The following CADM2 variants were observed in gnomAD, a reference collection of about 807,000 sequenced individuals.
CADM2 encodes cell adhesion molecule 2, also known as immunoglobulin superfamily member 4D.
In CADM2, 12 loss-of-function variants were observed where a neutral mutation model predicts 49.8. The observed-to-expected ratio is 0.24, with a 90% confidence interval of 0.15 to 0.39. The LOEUF is 0.39. Ranked by LOEUF, CADM2 falls within the 10% of genes least tolerant of loss-of-function variation. CADM2 has a pLI of 1.00. For missense variants in CADM2, 378 were observed against 492.3 expected (o/e 0.77, Z 2.20); for synonymous variants, 214 against 175.4 (o/e 1.22, Z -1.74).
chr3:85,556,230 G>A (rs2061956776), intron 1 of CADM2, among the ~76,000 whole-genome samples: 1 of 152,054 alleles, frequency 6.6e-6, no homozygotes, highest in Admixed American at 6.6e-5. Flanking sequence ...AAAGTCAGAA[G>A]AAAGAGGAAA....
At chr3:85,473,944 T>C (rs146052852) in intron 1 of CADM2, among the ~76,000 whole-genome samples, 4,180 of 152,110 alleles carry the variant, frequency 0.027, 90 homozygotes, top group Non-Finnish European at 0.041. Flanking sequence ...TTTAGCTAGT[T>C]TCCTTATTTA....
intron 1 of CADM2, among the ~76,000 whole-genome samples, chr3:85,647,096 A>G (rs375940333): frequency 1.3e-5 from 2 of 151,990 alleles, no homozygotes; most frequent in South Asian, 2.1e-4. Context: ...TGTGAGAGGA[A>G]TTTAATTAGA....
chr3:84,961,644 G>C (rs1040351462), intron 1 of CADM2, among the ~76,000 whole-genome samples: 13 of 152,114 alleles, frequency 8.5e-5, no homozygotes, highest in African/African-American at 2.9e-4. Context: ...GTGTGCGCGC[G>C]CGCGCGCCGG....
intron 1 of CADM2, among the ~76,000 whole-genome samples, chr3:85,048,271 T>G (rs1474054857): frequency 6.6e-6 from 1 of 152,172 alleles, no homozygotes; most frequent in Admixed American, 6.5e-5. Context: ...CAATAAGAGT[T>G]ACTGGACAAA....
chr3:85,176,371 T>C (rs2040787528), intron 1 of CADM2, among the ~76,000 whole-genome samples: 1 of 152,180 alleles, frequency 6.6e-6, no homozygotes, highest in South Asian at 2.1e-4. Context: ...CCTTAGCTTG[T>C]ATAAACTAAA....
chr3:85,587,666 T>C (rs2107324755), intron 1 of CADM2, among the ~76,000 whole-genome samples: 1 of 152,212 alleles, frequency 6.6e-6, no homozygotes, highest in East Asian at 1.9e-4. Context: ...CATGAACTTA[T>C]TTGAAAATTC....
In CADM2 at chr3:85,655,385, T is replaced by G. The variant is rs528064305; in HGVS notation, c.62-71137T>G. ...CATGTTGGCCAGGCTGGTCTCGAACTCCAGACATTGTGATCCACCCGCCTC... is the reference window on the plus strand; with the variant it reads ...CATGTTGGCCAGGCTGGTCTCGAACGCCAGACATTGTGATCCACCCGCCTC... On this transcript the variant is annotated intron_variant, in intron 1 of 9. Transcript: ENST00000383699. Among the ~76,000 whole-genome samples, 4 of 152,106 alleles carry G rather than the reference T, an allele frequency of 2.6e-5. 1 individual carries two copies. Among genetic ancestry groups the G allele is most frequent in the African/African-American group, 9.6e-5 (4 of 41,460 alleles).
At chr3:86,022,699 TAG>T (rs1184389501) in intron 8 of CADM2, among the ~76,000 whole-genome samples, 1 of 152,134 alleles carries the variant, frequency 6.6e-6, no homozygotes, top group African/African-American at 2.4e-5. Context: ...CACATGCACT[TAG>T]AGAGCGTCCT....
intron 6 of CADM2, among the ~76,000 whole-genome samples, chr3:85,933,925 G>A (rs1720898530): frequency 6.6e-6 from 1 of 151,978 alleles, no homozygotes; most frequent in African/African-American, 2.4e-5. Context: ...TTCATATCAT[G>A]GAATGCCATC....
intron 1 of CADM2, among the ~76,000 whole-genome samples, chr3:85,162,803 G>T (rs988846127): frequency 3.3e-5 from 5 of 151,844 alleles, no homozygotes; most frequent in South Asian, 2.1e-4. Context: ...ACATTATCAA[G>T]AATTTATTCT....
intron 1 of CADM2, among the ~76,000 whole-genome samples, chr3:85,320,628 A>G (rs1418949796): frequency 6.6e-6 from 1 of 152,170 alleles, no homozygotes; most frequent in East Asian, 1.9e-4. Flanking sequence ...ACGCATTTAT[A>G]TTGAGACAAA....
At chr3:85,003,090 C>T (rs919800558) in intron 1 of CADM2, among the ~76,000 whole-genome samples, 2 of 152,158 alleles carry the variant, frequency 1.3e-5, no homozygotes, top group Middle Eastern at 3.2e-3. Context: ...GCTACCTCAC[C>T]TGGCCGTATC....
chr3:85,147,104 C>G (rs1298269211), intron 1 of CADM2, among the ~76,000 whole-genome samples: 1 of 151,736 alleles, frequency 6.6e-6, no homozygotes, highest in African/African-American at 2.4e-5. Context: ...GAAACCTCGT[C>G]TCTACTAAAA....
chr3:85,090,960 T>C (rs551671169), intron 1 of CADM2, among the ~76,000 whole-genome samples: 2 of 152,298 alleles, frequency 1.3e-5, no homozygotes, highest in East Asian at 3.9e-4. Flanking sequence ...ACCACTGCTC[T>C]AGACTTAAAG....
chr3:85,817,259 A>G (rs775160753), intron 3 of CADM2, among the ~76,000 whole-genome samples: 18 of 152,346 alleles, frequency 1.2e-4, no homozygotes, highest in Admixed American at 2.6e-4. Flanking sequence ...AGGGAGGTGA[A>G]ATACTGAGTG....
At chr3:85,085,221 T>C (rs192532240) in intron 1 of CADM2, among the ~76,000 whole-genome samples, 99 of 152,204 alleles carry the variant, frequency 6.5e-4, no homozygotes, top group African/African-American at 2.3e-3. Context: ...CAATTACTTC[T>C]ATCTCCTAGC....
chr3:85,705,738 G>A (rs2066927677), intron 1 of CADM2, among the ~76,000 whole-genome samples: 1 of 152,148 alleles, frequency 6.6e-6, no homozygotes, highest in Admixed American at 6.5e-5. Context: ...AGGCTTAGAA[G>A]TCCAGTGGTG....
At position 85,116,089 on chromosome 3, in the gene CADM2, G is replaced by T. The variant is rs1430530896; in HGVS notation, c.61+156421G>T. Among the ~76,000 whole-genome samples, 5 of 152,346 alleles carry T rather than the reference G, an allele frequency of 3.3e-5. 1 individual carries two copies. In the South Asian group the frequency reaches 1.0e-3, roughly 32 times the overall value. On this transcript the variant is annotated intron_variant, in intron 1 of 9. Transcript: ENST00000383699. The stretch of plus-strand genomic sequence containing the variant: ...CGCCTGTAATCCCAGCACTTTGGGA[G>T]GCTGAGGCGGGCAGATTACTTGAGG...
At chr3:85,725,450 C>G (rs1335522413) in intron 1 of CADM2, among the ~76,000 whole-genome samples, 1 of 151,832 alleles carries the variant, frequency 6.6e-6, no homozygotes, top group Non-Finnish European at 1.5e-5. Flanking sequence ...TGCACATTTC[C>G]CAATTAGGAG....
Sources: allele counts gnomAD v4.1 joint callset (sites outside exome capture counted in the v4.1 genomes callset), GRCh38; gene constraint gnomAD v4.1.1; transcripts MANE v1.5; gene names NCBI Gene and HGNC (gene_info 2026-07-23, HGNC 2026-07-21).